The following CDKL1 variants were observed in gnomAD, a reference collection of about 807,000 sequenced individuals.
CDKL1 encodes cyclin-dependent kinase-like 1.
In CDKL1, 41 loss-of-function variants were observed where a neutral mutation model predicts 42.0. The observed-to-expected ratio is 0.98, with a 90% CI of 0.76 to 1.27. The LOEUF (loss-of-function observed/expected upper bound fraction) is 1.27. CDKL1 is among the 50% of genes most tolerant of loss of function. CDKL1 has a pLI of 0.00. For synonymous variants in CDKL1, 153 were observed against 158.6 expected, an observed-to-expected ratio of 0.96 and a Z score of 0.26; for missense variants, 394 against 428.4, an observed-to-expected ratio of 0.92 and a Z score of 0.71.
chr14:50,371,627 T>C (rs2883891), intron 2 of CDKL1, among the ~76,000 whole-genome samples: 115,309 of 152,226 alleles, frequency 0.76, 44,505 homozygotes, highest in African/African-American at 0.91. Flanking sequence ...GCCATGATGC[T>C]GGCTGCAGTG....
At chr14:50,395,526 G>GTTCT (rs1469331156) in intron 2 of CDKL1, among the ~76,000 whole-genome samples, 175 bp downstream of exon 2, 1 of 152,130 alleles carries the variant, frequency 6.6e-6, no homozygotes, top group African/African-American at 2.4e-5. Context: ...GTGGATCCCG[G>GTTCT]AGCAGTGGCT....
At chr14:50,349,741 TTTTG>T (rs2033840040) in intron 3 of CDKL1, among the ~76,000 whole-genome samples, 1 of 81,008 alleles carries the variant, frequency 1.2e-5, no homozygotes, top group African/African-American at 8.3e-5. Flanking sequence ...TCTCTTGTCT[TTTTG>T]TTGTTGTTGT....
At chr14:50,362,702 C>G (rs185090285) in intron 2 of CDKL1, among the ~76,000 whole-genome samples, 20 of 152,242 alleles carry the variant, frequency 1.3e-4, no homozygotes, top group Admixed American at 4.6e-4. Flanking sequence ...CTAGTGGGGA[C>G]GTGGAGAACT....
intron 2 of CDKL1, among the ~76,000 whole-genome samples, chr14:50,375,653 C>T (rs1475114490): frequency 2.0e-5 from 3 of 152,050 alleles, no homozygotes; most frequent in South Asian, 2.1e-4. Context: ...AAAAATTAGC[C>T]GGGTGTGGTG....
chr14:50,397,071 C>T (rs1276145260), upstream of CDKL1: 1 of 1,337,656 alleles, frequency 7.5e-7, no homozygotes, highest in South Asian at 1.2e-5. Context: ...GGGCCGAGTC[C>T]TGCTGCCGGG....
intron 6 of CDKL1, 135 bp from the exon 7 acceptor site, chr14:50,339,164 G>T: frequency 1.5e-6 from 1 of 658,694 alleles, no homozygotes. Flanking sequence ...CAGAAGGAGA[G>T]GCATTCAGGC....
intron 2 of CDKL1, among the ~76,000 whole-genome samples, chr14:50,364,343 C>G (rs1201425727): frequency 6.6e-6 from 1 of 152,180 alleles, no homozygotes; most frequent in Non-Finnish European, 1.5e-5. Context: ...GCGGCACGCA[C>G]CTGTAATCCC....
chr14:50,394,132 AAG>A (rs1347744565), intron 2 of CDKL1, among the ~76,000 whole-genome samples: 4 of 152,250 alleles, frequency 2.6e-5, no homozygotes, highest in African/African-American at 9.6e-5. Context: ...GAATCAGAAA[AAG>A]AGTATCTTTC....
intron 3 of CDKL1, among the ~76,000 whole-genome samples, chr14:50,353,378 A>T (rs768922176): frequency 2.6e-5 from 4 of 152,202 alleles, no homozygotes; most frequent in Non-Finnish European, 5.9e-5. Context: ...TACAGAAGTC[A>T]TCCTTTCCAC....
Position 50,345,201 on chromosome 14 carries a change from T to C in CDKL1, c.291-143A>G, listed in dbSNP as rs568334606. 25 of 690,656 alleles carry C rather than the reference T, an allele frequency of 3.6e-5. 1 individual carries two copies. In the South Asian group the frequency reaches 4.4e-4, roughly 12 times the overall value. 42.8% of individuals were successfully genotyped at this position (690,656 alleles called of 1,614,324 possible). A position where few individuals can be genotyped will look rare whatever the true frequency, so the allele number is the denominator to read the frequency against. ...GTCATCTTACTCATCAATCATTCCA[T>C]GAATCCAAAATGTAAAAATATGCGA... On this transcript the variant is annotated intron_variant, in intron 3 of 9. Transcript: ENST00000395834.
intron 2 of CDKL1, among the ~76,000 whole-genome samples, chr14:50,385,070 CAAAAA>C (rs55719234): frequency 1.2e-4 from 11 of 93,536 alleles, no homozygotes; most frequent in African/African-American, 4.6e-4. Context: ...GACTCTGTCT[CAAAAA>C]AAAAAAAAAA....
intron 2 of CDKL1, among the ~76,000 whole-genome samples, chr14:50,395,442 TC>T (rs1238612887): frequency 6.6e-6 from 1 of 152,232 alleles, no homozygotes; most frequent in African/African-American, 2.4e-5. Context: ...TATAACCATG[TC>T]CCATGACATT....
chr14:50,368,377 T>G (rs2034490331), intron 2 of CDKL1, among the ~76,000 whole-genome samples: 1 of 152,092 alleles, frequency 6.6e-6, no homozygotes, highest in Non-Finnish European at 1.5e-5. Flanking sequence ...TCCCTCAGCC[T>G]CCTCAGTAGC....
intron 2 of CDKL1, among the ~76,000 whole-genome samples, chr14:50,373,584 C>A (rs77155466): frequency 6.6e-6 from 1 of 151,962 alleles, no homozygotes; most frequent in African/African-American, 2.4e-5. Context: ...TAAAACCAAA[C>A]GGACCAAAAA....
rs1036914195 is a variant in CDKL1 at position 50,359,284 on chromosome 14, C to A, written c.169-135G>T. On this transcript the variant is annotated intron_variant, in intron 2 of 9. Coordinates refer to ENST00000395834, the MANE Select transcript of CDKL1 (RefSeq NM_004196.7). ...GATTGAAGGAGGCTGTAAACAGTAT[C>A]ATCTTACCCCTCTTAACAAGCTATT... 3 of 936,384 alleles carry A rather than the reference C, an allele frequency of 3.2e-6. No individual in the cohort carries two copies. In the East Asian group the frequency reaches 8.5e-5, roughly 26 times the overall value. 58.0% of individuals were successfully genotyped at this position (936,384 alleles called of 1,614,324 possible).
chr14:50,358,244 T>C lies in CDKL1; in HGVS notation c.290+784A>G, dbSNP rs1041412723. 13 of 852,918 alleles carry C rather than the reference T, an allele frequency of 1.5e-5. No individual in the cohort carries two copies. The East Asian group carries it at 1.1e-3, about 70-fold the overall frequency. 52.8% of individuals were successfully genotyped at this position (852,918 alleles called of 1,614,324 possible). A position where few individuals can be genotyped will look rare whatever the true frequency, so the allele number is the denominator to read the frequency against. Reference sequence around the variant, plus strand: ...CAATTGTTTTTCACCTATGCTTGCTTCAGTTGGGTTTTTGTCACTTGAAAC... The same window carrying C: ...CAATTGTTTTTCACCTATGCTTGCTCCAGTTGGGTTTTTGTCACTTGAAAC... On this transcript the variant is annotated intron_variant, in intron 3 of 9. Coordinates refer to ENST00000395834, the MANE Select transcript of CDKL1 (RefSeq NM_004196.7).
intron 7 of CDKL1, chr14:50,335,707 G>C: frequency 6.9e-7 from 1 of 1,458,614 alleles, no homozygotes; most frequent in Non-Finnish European, 9.0e-7. Context: ...TGCATTGTGT[G>C]TATAAAAGTG....
chr14:50,342,079 A>G (rs1404530999), intron 5 of CDKL1, 53 bp downstream of exon 5: 3 of 1,368,178 alleles, frequency 2.2e-6, no homozygotes, highest in African/African-American at 2.9e-5. Flanking sequence ...CCTTTGTTGT[A>G]TCAAGAACTT....
chr14:50,326,488 G>C lies in CDKL1; in HGVS notation c.*3586C>G. 2.0e-6 allele frequency: 2 copies of C among 985,422 alleles called. No individual in the cohort carries two copies. Among genetic ancestry groups the C allele is most frequent in the South Asian group, 4.7e-5 (1 of 21,294 alleles). 61.0% of individuals were successfully genotyped at this position (985,422 alleles called of 1,614,324 possible). ...TGGAGTCAATTATGCAAAGTGGTCA[G>C]TGGTTGTTGAAGCATGCATTGCTTC... On this transcript the variant is annotated 3_prime_UTR_variant, in exon 10 of 10. Transcript: ENST00000395834.
Sources: gnomAD v4.1 joint callset for allele counts (sites outside exome capture counted in the v4.1 genomes callset) on GRCh38, gnomAD v4.1.1 for gene constraint, MANE v1.5 for transcripts, NCBI Gene and HGNC (gene_info 2026-07-23, HGNC 2026-07-21) for gene names.